PLCL1: variants seen among roughly 807,000 people sequenced by gnomAD.
PLCL1 encodes the protein inactive phospholipase C-like protein 1.
In PLCL1, 41 loss-of-function variants were observed where a neutral mutation model predicts 84.4. The observed-to-expected ratio is 0.49, with a 90% CI of 0.38 to 0.63. PLCL1 has a LOEUF of 0.63. Ranked by LOEUF, PLCL1 falls within the 30% of genes least tolerant of loss-of-function variation. PLCL1 has a pLI of 0.00. For synonymous variants in PLCL1, 490 were observed against 488.3 expected (o/e 1.00, Z -0.05); for missense variants, 1,206 against 1,367.8 (o/e 0.88, Z 1.87).
At chr2:197,975,396 C>T (rs1689959299) in intron 1 of PLCL1, among the ~76,000 whole-genome samples, 1 of 152,100 alleles carries the variant, frequency 6.6e-6, no homozygotes, top group Non-Finnish European at 1.5e-5. Flanking sequence ...TTTCATTCTG[C>T]CAGGCTGTTA....
chr2:197,946,114 A>G (rs1689266140), intron 1 of PLCL1, among the ~76,000 whole-genome samples: 1 of 152,176 alleles, frequency 6.6e-6, no homozygotes, highest in Admixed American at 6.5e-5. Flanking sequence ...ACCTCCAGAT[A>G]GATAAGATTT....
At chr2:198,060,305 A>G (rs1466603401) in intron 1 of PLCL1, among the ~76,000 whole-genome samples, 2 of 152,224 alleles carry the variant, frequency 1.3e-5, no homozygotes, top group Non-Finnish European at 2.9e-5. Flanking sequence ...TTCAGCAGAA[A>G]ATTTATGATC....
At chr2:198,146,753 T>G (rs1180082189) in intron 5 of PLCL1, 27 bp from the exon 6 acceptor site, 1 of 1,595,422 alleles carries the variant, frequency 6.3e-7, no homozygotes, top group Non-Finnish European at 8.6e-7. Flanking sequence ...ACTGTCTTCT[T>G]TGATGCCTGT....
At chr2:198,096,626 T>G (rs1693201368) in intron 3 of PLCL1, among the ~76,000 whole-genome samples, 1 of 152,164 alleles carries the variant, frequency 6.6e-6, no homozygotes, top group Non-Finnish European at 1.5e-5. Flanking sequence ...TATTTAACAT[T>G]AACATAAAAG....
intron 5 of PLCL1, among the ~76,000 whole-genome samples, chr2:198,139,071 C>G (rs1388991121): frequency 6.6e-6 from 1 of 152,128 alleles, no homozygotes; most frequent in Non-Finnish European, 1.5e-5. Flanking sequence ...AGGAGAATCG[C>G]TTGAACCCAG....
chr2:197,952,503 A>G (rs1222820290), intron 1 of PLCL1, among the ~76,000 whole-genome samples: 1 of 152,116 alleles, frequency 6.6e-6, no homozygotes, highest in Non-Finnish European at 1.5e-5. Context: ...CCAGCAGTAA[A>G]CGTCATTAAA....
At chr2:198,067,960 G>A (rs1692358588) in intron 1 of PLCL1, among the ~76,000 whole-genome samples, 1 of 152,172 alleles carries the variant, frequency 6.6e-6, no homozygotes, top group Non-Finnish European at 1.5e-5. Flanking sequence ...CTCAATTCAT[G>A]CAAGTGTTAT....
At chr2:198,061,686 A>G (rs1227795814) in intron 1 of PLCL1, among the ~76,000 whole-genome samples, 1 of 151,782 alleles carries the variant, frequency 6.6e-6, no homozygotes, top group Admixed American at 6.6e-5. Flanking sequence ...TGCAACTTCC[A>G]CCTCCCGGGT....
chr2:198,094,714 G>C (rs1321007613), intron 3 of PLCL1, among the ~76,000 whole-genome samples: 1 of 152,132 alleles, frequency 6.6e-6, no homozygotes, highest in Non-Finnish European at 1.5e-5. Flanking sequence ...CTACAAGCAG[G>C]TTTTAACCTG....
intron 2 of PLCL1, among the ~76,000 whole-genome samples, chr2:198,086,864 T>C (rs939792633): frequency 6.6e-6 from 1 of 152,182 alleles, no homozygotes; most frequent in African/African-American, 2.4e-5. Flanking sequence ...ATGTGTGTAA[T>C]ACATAAAAAA....
intron 1 of PLCL1, among the ~76,000 whole-genome samples, chr2:198,027,564 A>G (rs912222552): frequency 2.0e-5 from 3 of 152,208 alleles, no homozygotes; most frequent in Non-Finnish European, 4.4e-5. Context: ...CAATTCAGCC[A>G]TTTCACAATA....
At chr2:197,973,705 A>G (rs1031044639) in intron 1 of PLCL1, among the ~76,000 whole-genome samples, 1 of 152,190 alleles carries the variant, frequency 6.6e-6, no homozygotes, top group Non-Finnish European at 1.5e-5. Context: ...GTGTGGCCGG[A>G]GTACATGAGC....
chr2:198,031,366 T>C (rs1691417774), intron 1 of PLCL1, among the ~76,000 whole-genome samples: 1 of 152,016 alleles, frequency 6.6e-6, no homozygotes, highest in Non-Finnish European at 1.5e-5. Flanking sequence ...AGAGGCCCCG[T>C]GTCTTTATAT....
At chr2:198,136,646 G>A (rs1694262934) in intron 5 of PLCL1, among the ~76,000 whole-genome samples, 2 of 152,056 alleles carry the variant, frequency 1.3e-5, no homozygotes, top group African/African-American at 2.4e-5. Flanking sequence ...AAGGCTTGTG[G>A]GGGCTCATGG....
chr2:197,963,335 A>G (rs1003650184), intron 1 of PLCL1, among the ~76,000 whole-genome samples: 3 of 152,162 alleles, frequency 2.0e-5, no homozygotes, highest in Admixed American at 1.3e-4. Context: ...TTTGATGATC[A>G]ATGATGTTGA....
chr2:197,995,678 C>A (rs914048780), intron 1 of PLCL1, among the ~76,000 whole-genome samples: 10 of 152,096 alleles, frequency 6.6e-5, no homozygotes, highest in African/African-American at 2.2e-4. Flanking sequence ...CAGCCATGTT[C>A]ATGGTGTGGT....
At chr2:198,140,733 C>A (rs935494080) in intron 5 of PLCL1, among the ~76,000 whole-genome samples, 1 of 151,850 alleles carries the variant, frequency 6.6e-6, no homozygotes, top group African/African-American at 2.4e-5. Context: ...TTCTGTGGAC[C>A]CTTTGGCATT....
intron 1 of PLCL1, among the ~76,000 whole-genome samples, chr2:197,877,887 T>C (rs1344183666): frequency 1.3e-5 from 2 of 152,090 alleles, no homozygotes; most frequent in Non-Finnish European, 2.9e-5. Flanking sequence ...TGTGTGCAAA[T>C]GTAGTAAATC....
intron 5 of PLCL1, among the ~76,000 whole-genome samples, chr2:198,122,927 A>G (rs1386307890): frequency 6.6e-6 from 1 of 152,088 alleles, no homozygotes; most frequent in Non-Finnish European, 1.5e-5. Flanking sequence ...TTTCTACAGG[A>G]GAAAACCAAG....
Sources: gnomAD v4.1 joint callset for allele counts (sites outside exome capture counted in the v4.1 genomes callset) on GRCh38, gnomAD v4.1.1 for gene constraint, MANE v1.5 for transcripts, NCBI Gene and HGNC (gene_info 2026-07-23, HGNC 2026-07-21) for gene names.